The following ESCO2 variants were observed in gnomAD, a reference collection of about 807,000 sequenced individuals.
ESCO2 encodes establishment of sister chromatid cohesion N-acetyltransferase 2.
ESCO2 carries 51 observed loss-of-function variants against 61.7 expected under a neutral mutation model. The observed-to-expected ratio is 0.83, with a 90% CI of 0.66 to 1.04. ESCO2 has a LOEUF of 1.04. ESCO2 is among the 50% of genes least tolerant of loss of function. The pLI is 0.00. For missense variants in ESCO2, 692 were observed against 686.2 expected (o/e 1.01, Z -0.09); for synonymous variants, 230 against 238.2 (o/e 0.97, Z 0.32).
Position 27,804,068 on chromosome 8 carries a change from C to T in ESCO2, c.*630C>T, listed in dbSNP as rs1320293552. 13 of 985,300 alleles carry T rather than the reference C, an allele frequency of 1.3e-5. No homozygotes were observed. Among genetic ancestry groups the T allele is most frequent in the African/African-American group, 3.5e-5 (2 of 57,198 alleles). 61.0% of individuals were successfully genotyped at this position (985,300 alleles called of 1,614,324 possible). A position where few individuals can be genotyped will look rare whatever the true frequency, so the allele number is the denominator to read the frequency against. ...CTATACAGAGTCTTCACTTGATAGGCACTCGTCTGTAGTAACTCAGTTTGA... is the reference window on the plus strand; with the variant it reads ...CTATACAGAGTCTTCACTTGATAGGTACTCGTCTGTAGTAACTCAGTTTGA... On this transcript the variant is annotated 3_prime_UTR_variant, in exon 11 of 11. Coordinates refer to ENST00000305188, the MANE Select transcript of ESCO2 (RefSeq NM_001017420.3).
chr8:27,803,090 A>C (rs1056956597), intron 10 of ESCO2, among the ~76,000 whole-genome samples: 19 of 152,118 alleles, frequency 1.2e-4, no homozygotes, highest in African/African-American at 4.3e-4. Flanking sequence ...AGTTAGGTGG[A>C]TGGTTCCCTT....
At chr8:27,774,845 TTTCCCTGACCGGG>T (rs1804749821) in intron 1 of ESCO2, 1 of 152,312 alleles carries the variant, frequency 6.6e-6, no homozygotes, top group Admixed American at 6.5e-5. Context: ...TGTTTGTTTG[TTTCCCTGACCGGG>T]TTCAGGGTCG....
chr8:27,810,972 T>C (rs754682271), downstream of ESCO2: 2 of 1,595,350 alleles, frequency 1.3e-6, no homozygotes, highest in Non-Finnish European at 1.7e-6. Context: ...ATCATCATCA[T>C]CATTTGAAAG....
chr8:27,775,453 C>T (rs1804767719), intron 1 of ESCO2, 46 bp from the exon 2 acceptor site: 7 of 1,528,324 alleles, frequency 4.6e-6, no homozygotes, highest in Non-Finnish European at 5.4e-6. Flanking sequence ...TTTGATAAAG[C>T]GATTTTTAAT....
At chr8:27,773,142 A>C (rs148626163), upstream of ESCO2, among the ~76,000 whole-genome samples, 887 of 152,172 alleles carry the variant, frequency 5.8e-3, 4 homozygotes, top group Non-Finnish European at 7.4e-3. Flanking sequence ...AGTCCCTTTA[A>C]ATTACTAGGT....
intron 5 of ESCO2, among the ~76,000 whole-genome samples, chr8:27,786,825 T>TC (rs1805054751): frequency 6.6e-6 from 1 of 150,896 alleles, no homozygotes; most frequent in South Asian, 2.1e-4. Context: ...TTTTTTTTTT[T>TC]CCTGTTGTTT....
chr8:27,812,120 T>C (rs1365702031), downstream of ESCO2: 6 of 152,258 alleles, frequency 3.9e-5, no homozygotes, highest in African/African-American at 1.4e-4. Flanking sequence ...TAAATAAAAC[T>C]GGCAAGAGCA....
chr8:27,776,811 A>G lies in ESCO2; in HGVS notation c.503A>G (p.Asn168Ser). ...VSRNSRNSKQ[N>S]RVIYKPIVEK... ...AGGAATTCTAGAAATTCCAAGCAAA[A>G]TCGAGTGATCTATAAGCCAATTGTG... The change falls in exon 3 of 11, where the codon AAT (asparagine) becomes AGT (serine). Residue 168 changes from asparagine (N) to serine (S), a missense_variant. By Grantham distance (46) the Asn-to-Ser change is conservative (BLOSUM62 1). Transcript: ENST00000305188. The G allele has an allele frequency of 6.2e-7, 1 of 1,614,186 alleles. No homozygotes were observed. Among genetic ancestry groups the G allele is most frequent in the Non-Finnish European group, 8.5e-7 (1 of 1,180,040 alleles).
downstream of ESCO2, among the ~76,000 whole-genome samples, chr8:27,813,873 A>G (rs900970268): frequency 4.6e-5 from 7 of 152,180 alleles, no homozygotes; most frequent in South Asian, 1.0e-3. Flanking sequence ...AAGGATTTTG[A>G]TACCTGTGTT....
chr8:27,819,562 A>G, the ESCO2 span, among the ~76,000 whole-genome samples: 2 of 152,104 alleles, frequency 1.3e-5, no homozygotes, highest in African/African-American at 4.8e-5. Context: ...ATGTTAAGGA[A>G]TATCACCTAT....
intron 10 of ESCO2, among the ~76,000 whole-genome samples, chr8:27,800,716 A>AT (rs1805404607): frequency 6.6e-6 from 1 of 152,250 alleles, no homozygotes; most frequent in South Asian, 2.1e-4. Context: ...TGATTAATGG[A>AT]TAAATGTGAT....
At chr8:27,797,213 T>C (rs1160643182) in intron 9 of ESCO2, among the ~76,000 whole-genome samples, 1 of 152,240 alleles carries the variant, frequency 6.6e-6, no homozygotes, top group Non-Finnish European at 1.5e-5. Flanking sequence ...TTTGTATTCC[T>C]ATCTATTTCT....
At chr8:27,805,952 T>G (rs750062295), downstream of ESCO2, among the ~76,000 whole-genome samples, 13 of 152,044 alleles carry the variant, frequency 8.6e-5, no homozygotes, top group Non-Finnish European at 1.9e-4. Context: ...TACTAATACC[T>G]TCTTCCACAA....
downstream of ESCO2, among the ~76,000 whole-genome samples, chr8:27,813,462 G>C (rs1805739556): frequency 6.6e-6 from 1 of 152,040 alleles, no homozygotes; most frequent in Non-Finnish European, 1.5e-5. Context: ...AAACAATTTT[G>C]TTAATATGGT....
chr8:27,788,744 A>C, intron 6 of ESCO2, 103 bp from the exon 7 acceptor site: 1 of 1,466,130 alleles, frequency 6.8e-7, no homozygotes, highest in Non-Finnish European at 9.4e-7. Context: ...GTCAGCAGGA[A>C]AAAAAAAATT....
chr8:27,808,503 G>A (rs1805607238), downstream of ESCO2, among the ~76,000 whole-genome samples: 3 of 149,430 alleles, frequency 2.0e-5, no homozygotes, highest in African/African-American at 7.5e-5. Flanking sequence ...GTAAAACCCT[G>A]TCTCTACAAA....
intron 10 of ESCO2, among the ~76,000 whole-genome samples, chr8:27,802,856 C>T (rs1563482591): frequency 6.6e-6 from 1 of 150,924 alleles, no homozygotes; most frequent in Non-Finnish European, 1.5e-5. Flanking sequence ...AAGTGATTCT[C>T]CTGCCTCAGC....
downstream of ESCO2, among the ~76,000 whole-genome samples, chr8:27,806,668 G>A (rs958067026): frequency 6.6e-6 from 1 of 150,824 alleles, no homozygotes; most frequent in Non-Finnish European, 1.5e-5. Context: ...TGCCCAGGCT[G>A]GAGTGCATTG....
rs185169889 is a variant in ESCO2, at chr8:27,793,549, C to T, written c.1497+738C>T. ...TTGCCCAGGCTGGAGTGCAGTGGCA[C>T]GATCTCGCCTCACCACAACCTCCAC... On this transcript the variant is annotated intron_variant, in intron 9 of 10. Coordinates refer to ENST00000305188, the MANE Select transcript of ESCO2 (RefSeq NM_001017420.3). Among the ~76,000 whole-genome samples, 676 of 150,446 alleles carry T rather than the reference C, an allele frequency of 4.5e-3. 4 individuals are homozygous for T. The highest frequency in any genetic ancestry group is 0.015 in the African/African-American group (621 of 40,894).
Sources: gnomAD v4.1 joint callset for allele counts (sites outside exome capture counted in the v4.1 genomes callset) on GRCh38, gnomAD v4.1.1 for gene constraint, MANE v1.5 for transcripts, NCBI Gene and HGNC (gene_info 2026-07-23, HGNC 2026-07-21) for gene names.